The following USP6NL variants were observed in gnomAD, a reference collection of about 807,000 sequenced individuals.
USP6NL encodes the protein USP6 N-terminal-like protein.
Under a neutral mutation model 61.9 loss-of-function variants are expected in USP6NL, and 26 were observed. The observed-to-expected ratio is 0.42, with a 90% CI of 0.31 to 0.58. The LOEUF (loss-of-function observed/expected upper bound fraction) is 0.58. Among genes scored for constraint, USP6NL ranks in the 20% least tolerant of loss-of-function variants. The probability of loss-of-function intolerance (pLI) is 0.16; values close to 1 mark genes in which losing one functional copy is unlikely to be tolerated. For synonymous variants in USP6NL, 432 were observed against 390.1 expected (o/e 1.11, Z -1.27); for missense variants, 1,114 against 1,034.3 (o/e 1.08, Z -1.06).
rs370876313 is a variant in USP6NL at position 11,510,181 on chromosome 10, G to C, written c.196-506C>G. ...TTAAAAAAAATAAAACTAAGTACTA[G>C]TTGCTGCCCTAAAGAAATTTGACCA... is the stretch of plus-strand genomic sequence containing the variant. On this transcript the variant is annotated intron_variant, in intron 5 of 14. Coordinates refer to ENST00000609104, the MANE Select transcript of USP6NL (RefSeq NM_014688.5). The surrounding 1 kb of genome is among the most constrained non-coding windows in gnomAD (Gnocchi z 4.8). Among the ~76,000 whole-genome samples the C allele has an allele frequency of 1.3e-4, 20 of 152,232 alleles. 1 individual carries two copies. The highest frequency in any genetic ancestry group is 4.6e-4 in the African/African-American group (19 of 41,558).
chr10:11,469,452 G>C (rs1195025570), intron 14 of USP6NL, among the ~76,000 whole-genome samples: 1 of 152,196 alleles, frequency 6.6e-6, no homozygotes, highest in Non-Finnish European at 1.5e-5. Context: ...GTTCGGGGGG[G>C]AAGAAATCCA....
intron 2 of USP6NL, among the ~76,000 whole-genome samples, chr10:11,576,550 C>A (rs1207775990): frequency 6.6e-6 from 1 of 152,184 alleles, no homozygotes; most frequent in Admixed American, 6.5e-5. Flanking sequence ...TGAGGAGAAG[C>A]TAGAAGGCGC....
rs1457968927 is a variant in USP6NL, at chr10:11,482,415, T to C, written c.926-493A>G. On this transcript the variant is annotated intron_variant, in intron 13 of 14. Coordinates refer to ENST00000609104, the MANE Select transcript of USP6NL (RefSeq NM_014688.5). This position sits in a 1 kb window ranked among gnomAD's most constrained non-coding sequence, Gnocchi z 4.0. Reference sequence around the variant, plus strand: ...AAATTCATTTTCTTGGAAAAAGACATTCAAATTAAATATGAACACAAAGCA... The same window carrying C: ...AAATTCATTTTCTTGGAAAAAGACACTCAAATTAAATATGAACACAAAGCA... Among the ~76,000 whole-genome samples, 1 of 152,246 alleles carries C rather than the reference T, an allele frequency of 6.6e-6. No homozygotes were observed. Among genetic ancestry groups the C allele is most frequent in the African/African-American group, 2.4e-5 (1 of 41,462 alleles).
At chr10:11,594,880 C>T (rs1838276770) in intron 2 of USP6NL, among the ~76,000 whole-genome samples, 1 of 152,200 alleles carries the variant, frequency 6.6e-6, no homozygotes, top group African/African-American at 2.4e-5. Context: ...AAGGAGCACA[C>T]AGATTAGAGA....
At chr10:11,466,722 AC>A (rs1336808893) in intron 14 of USP6NL, among the ~76,000 whole-genome samples, 1 of 152,202 alleles carries the variant, frequency 6.6e-6, no homozygotes, top group Non-Finnish European at 1.5e-5. Context: ...GTGCACTAAT[AC>A]AAACCTAGAT....
At chr10:11,506,904 T>C (rs1834469085) in intron 6 of USP6NL, among the ~76,000 whole-genome samples, 1 of 152,226 alleles carries the variant, frequency 6.6e-6, no homozygotes, top group Non-Finnish European at 1.5e-5. Flanking sequence ...AAAAAAATGC[T>C]AGTTTTTTTA....
intron 2 of USP6NL, among the ~76,000 whole-genome samples, chr10:11,549,360 T>C (rs578055826): frequency 1.3e-5 from 2 of 152,320 alleles, no homozygotes; most frequent in African/African-American, 4.8e-5. Context: ...TATCTAGTTA[T>C]TATTGATCTG....
At chr10:11,492,756 T>TA (rs1484208985) in intron 8 of USP6NL, among the ~76,000 whole-genome samples, 4 of 152,304 alleles carry the variant, frequency 2.6e-5, no homozygotes, top group Non-Finnish European at 5.9e-5. Flanking sequence ...GTCCCTTTTT[T>TA]AAAAAAAGTT....
chr10:11,560,714 T>TTATATATTATA (rs1555171620), intron 2 of USP6NL, among the ~76,000 whole-genome samples: 2 of 141,326 alleles, frequency 1.4e-5, no homozygotes, highest in African/African-American at 5.2e-5. Flanking sequence ...TATATATATA[T>TTATATATTATA]TATATATATA....
intron 2 of USP6NL, among the ~76,000 whole-genome samples, chr10:11,582,885 T>C (rs1837831074): frequency 6.6e-6 from 1 of 150,640 alleles, no homozygotes; most frequent in South Asian, 2.1e-4. Flanking sequence ...ACAGAGTGTA[T>C]TCTAAAGGCA....
intron 2 of USP6NL, among the ~76,000 whole-genome samples, chr10:11,594,487 A>C (rs1838261063): frequency 6.6e-6 from 1 of 152,234 alleles, no homozygotes; most frequent in Non-Finnish European, 1.5e-5. Context: ...CTTAAGCCCT[A>C]TAGGATCAAG....
Position 11,532,278 on chromosome 10 carries a change from T to C in USP6NL, c.5-4711A>G. ...AGATTTCATTATTATTTTATAGTTC[T>C]CGAACACACCAAGAGTGCTGCCCGG... On this transcript the variant is annotated intron_variant, in intron 2 of 14. Transcript: ENST00000609104. This position sits in a 1 kb window ranked among gnomAD's most constrained non-coding sequence, Gnocchi z 4.1. 1 of 1,533,834 alleles carries C rather than the reference T, an allele frequency of 6.5e-7. No homozygotes were observed. Among genetic ancestry groups the C allele is most frequent in the Non-Finnish European group, 8.8e-7 (1 of 1,133,528 alleles).
At chr10:11,472,111 G>A (rs561185150) in intron 14 of USP6NL, among the ~76,000 whole-genome samples, 1 of 152,104 alleles carries the variant, frequency 6.6e-6, no homozygotes, top group East Asian at 1.9e-4. Context: ...GTATTTTTAC[G>A]GCAGTGCTAA....
rs1446975563 is a variant in USP6NL, at chr10:11,518,464, G to A, written c.195+71C>T. On this transcript the variant is annotated intron_variant, in intron 5 of 14. Coordinates refer to ENST00000609104, the MANE Select transcript of USP6NL (RefSeq NM_014688.5). This position sits in a 1 kb window ranked among gnomAD's most constrained non-coding sequence, Gnocchi z 5.3. ...ATAATATGGCACTTAAAATCACAAA[G>A]GTGGTCAATTTTATTCTTCTAATAA... is the stretch of plus-strand genomic sequence containing the variant. The A allele has an allele frequency of 2.2e-6, 3 of 1,371,184 alleles. No individual in the cohort carries two copies. The highest frequency in any genetic ancestry group is 3.1e-6 in the Non-Finnish European group (3 of 964,716). The allele number at this position is 1,371,184 out of a possible 1,614,324, so 84.9% of individuals were successfully genotyped here. A position where few individuals can be genotyped will look rare whatever the true frequency, so the allele number is the denominator to read the frequency against.
In USP6NL at chr10:11,490,712, TAA is replaced by T. The variant is rs1833679303; in HGVS notation, c.543+118_543+119del. 1.2e-5 allele frequency: 12 copies of T among 978,972 alleles called. No individual in the cohort carries two copies. The highest frequency in any genetic ancestry group is 1.0e-4 in the African/African-American group (6 of 59,992). The allele number at this position is 978,972 out of a possible 1,614,324, so 60.6% of individuals were successfully genotyped here. ...TTCAGCTTAAAAAGATCCACAGAGC[TAA>T]AGAGACCATGGAGACCACCTAGCTC... is the stretch of plus-strand genomic sequence containing the variant. On this transcript the variant is annotated intron_variant, in intron 9 of 14. Coordinates refer to ENST00000609104, the MANE Select transcript of USP6NL (RefSeq NM_014688.5). This position sits in a 1 kb window ranked among gnomAD's most constrained non-coding sequence, Gnocchi z 4.5.
chr10:11,547,525 C>T (rs187035923), intron 2 of USP6NL, among the ~76,000 whole-genome samples: 108 of 150,722 alleles, frequency 7.2e-4, no homozygotes, highest in African/African-American at 2.5e-3. Flanking sequence ...TAATCAAGCT[C>T]ATAAAGCATT....
intron 10 of USP6NL, among the ~76,000 whole-genome samples, chr10:11,488,097 C>A (rs1158085919): frequency 6.6e-6 from 1 of 152,018 alleles, no homozygotes; most frequent in Non-Finnish European, 1.5e-5. Context: ...TGAACAAATG[C>A]CACTTTTATT....
rs138340350 is a variant in USP6NL, at chr10:11,475,214, C to T, written c.1078+6556G>A. Among the ~76,000 whole-genome samples the T allele has an allele frequency of 6.6e-4, 99 of 151,086 alleles. 2 individuals carry two copies. The East Asian group carries it at 0.019, about 29-fold the overall frequency. On this transcript the variant is annotated intron_variant, in intron 14 of 14. Transcript: ENST00000609104. ...ATTTACTCTGCCTTTTCAGTACTAA[C>T]TACATTTTAAGGTAACCAAAGAGTT...
In USP6NL at chr10:11,511,828, T is replaced by TACAC. The variant is rs55781528; in HGVS notation, c.196-2157_196-2154dup. ...AAATAAAATAAAATAATATATATTA[T>TACAC]ACACACACACACACACACACACCCC... is the stretch of plus-strand genomic sequence containing the variant. On this transcript the variant is annotated intron_variant, in intron 5 of 14. Coordinates refer to ENST00000609104, the MANE Select transcript of USP6NL (RefSeq NM_014688.5). The surrounding 1 kb of genome is among the most constrained non-coding windows in gnomAD (Gnocchi z 4.9). Among the ~76,000 whole-genome samples the TACAC allele has an allele frequency of 7.3e-5, 11 of 149,796 alleles. No individual in the cohort carries two copies. The highest frequency in any genetic ancestry group is 4.2e-4 in the South Asian group (2 of 4,744).
Sources: gnomAD v4.1 joint callset for allele counts (sites outside exome capture counted in the v4.1 genomes callset) on GRCh38, gnomAD v4.1.1 for gene constraint, Gnocchi (gnomAD v3.1) non-coding constraint, MANE v1.5 for transcripts, NCBI Gene and HGNC (gene_info 2026-07-23, HGNC 2026-07-21) for gene names.